TCF12: variants seen among roughly 807,000 people sequenced by gnomAD.
The protein encoded by TCF12 is DNA-binding protein HTF4.
Under a neutral mutation model 86.0 loss-of-function variants are expected in TCF12, and 45 were observed. That is an observed-to-expected ratio of 0.52 (90% CI 0.41 to 0.67). The LOEUF (loss-of-function observed/expected upper bound fraction) is 0.67, where lower values mean the gene tolerates loss of function less well. Among genes scored for constraint, TCF12 ranks in the 30% least tolerant of loss-of-function variants. The pLI, the probability that TCF12 is intolerant of heterozygous loss-of-function variation, is 0.00. For synonymous variants in TCF12, 330 were observed against 299.6 expected (o/e 1.10, Z -1.05); for missense variants, 881 against 859.9 (o/e 1.02, Z -0.31).
At chr15:57,108,621 A>G (rs1296933496) in intron 5 of TCF12, among the ~76,000 whole-genome samples, 1 of 151,786 alleles carries the variant, frequency 6.6e-6, no homozygotes, top group Non-Finnish European at 1.5e-5. Context: ...TTAGGCAAAC[A>G]ATTCCTTAGA....
intron 6 of TCF12, among the ~76,000 whole-genome samples, chr15:57,178,824 CT>C (rs2056137263): frequency 6.6e-6 from 1 of 152,198 alleles, no homozygotes; most frequent in Non-Finnish European, 1.5e-5. Flanking sequence ...GGAAGTTGGA[CT>C]TTTTATGGAA....
chr15:57,023,940 A>T (rs1339715167), intron 3 of TCF12, among the ~76,000 whole-genome samples: 1 of 152,148 alleles, frequency 6.6e-6, no homozygotes, highest in Non-Finnish European at 1.5e-5. Flanking sequence ...TGCATAGTTC[A>T]CAACAGGGTT....
chr15:57,111,697 T>C (rs77983609), intron 5 of TCF12, among the ~76,000 whole-genome samples: 1 of 149,230 alleles, frequency 6.7e-6, no homozygotes, highest in Non-Finnish European at 1.5e-5. Context: ...GCTCAAGTGA[T>C]CCTTCGGGCT....
intron 5 of TCF12, among the ~76,000 whole-genome samples, chr15:57,166,197 G>C (rs1455025575): frequency 6.6e-6 from 1 of 152,168 alleles, no homozygotes; most frequent in Non-Finnish European, 1.5e-5. Flanking sequence ...GATTACAGAC[G>C]TGAGTCACTA....
At chr15:57,132,266 T>G (rs1218696250) in intron 5 of TCF12, among the ~76,000 whole-genome samples, 1 of 152,224 alleles carries the variant, frequency 6.6e-6, no homozygotes, top group Non-Finnish European at 1.5e-5. Flanking sequence ...ATGTGTACAT[T>G]TTTTTCTTTT....
intron 3 of TCF12, among the ~76,000 whole-genome samples, chr15:56,971,375 C>G (rs2061524887): frequency 6.6e-6 from 1 of 151,690 alleles, no homozygotes; most frequent in African/African-American, 2.4e-5. Context: ...TGCAGTGAGC[C>G]GAGATCACGC....
intron 6 of TCF12, among the ~76,000 whole-genome samples, chr15:57,191,189 T>C (rs1260514770): frequency 1.3e-5 from 2 of 152,172 alleles, no homozygotes; most frequent in African/African-American, 4.8e-5. Context: ...ATGGGCCAGC[T>C]GCAGTGGCTC....
At chr15:57,053,739 G>GC (rs1253326399) in intron 3 of TCF12, among the ~76,000 whole-genome samples, 3 of 152,058 alleles carry the variant, frequency 2.0e-5, no homozygotes. Flanking sequence ...GAAGTGATCA[G>GC]CCCCCAGTTG....
chr15:57,031,770 T>C (rs550313645), intron 3 of TCF12, among the ~76,000 whole-genome samples: 9 of 152,324 alleles, frequency 5.9e-5, no homozygotes, highest in African/African-American at 2.2e-4. Context: ...TGGCTTGAGC[T>C]GTGAGAAAGG....
chr15:57,170,269 T>TA (rs1260227258), intron 6 of TCF12, among the ~76,000 whole-genome samples: 2 of 150,588 alleles, frequency 1.3e-5, no homozygotes, highest in African/African-American at 5.0e-5. Context: ...GACAGGGAAT[T>TA]AAAAATTTTT....
intron 3 of TCF12, among the ~76,000 whole-genome samples, chr15:56,963,241 G>A (rs1433140914): frequency 1.3e-5 from 2 of 151,928 alleles, no homozygotes; most frequent in Admixed American, 1.3e-4. Flanking sequence ...GGAATGTGGG[G>A]CAATATAACT....
chr15:57,080,130 C>T (rs1201067685), intron 4 of TCF12, among the ~76,000 whole-genome samples: 2 of 152,142 alleles, frequency 1.3e-5, no homozygotes, highest in Non-Finnish European at 1.5e-5. Flanking sequence ...AAATAAATGT[C>T]TCTACTGACA....
chr15:57,229,828 A>C (rs1178710519), intron 8 of TCF12, among the ~76,000 whole-genome samples: 1 of 151,948 alleles, frequency 6.6e-6, no homozygotes, highest in Non-Finnish European at 1.5e-5. Context: ...ATTTTACAAA[A>C]GAGGGAATTG....
chr15:57,162,292 G>T (rs1439464438), intron 5 of TCF12, among the ~76,000 whole-genome samples: 4 of 151,630 alleles, frequency 2.6e-5, no homozygotes, highest in Non-Finnish European at 5.9e-5. Flanking sequence ...GATTTTTGTT[G>T]TCAGATGCCT....
At chr15:57,226,945 G>A (rs1185642374) in intron 8 of TCF12, among the ~76,000 whole-genome samples, 3 of 152,020 alleles carry the variant, frequency 2.0e-5, no homozygotes, top group Admixed American at 6.6e-5. Flanking sequence ...GCATAGATAC[G>A]GAACATTTCC....
intron 5 of TCF12, among the ~76,000 whole-genome samples, chr15:57,108,417 T>G (rs1414086990): frequency 6.6e-6 from 1 of 152,132 alleles, no homozygotes; most frequent in Non-Finnish European, 1.5e-5. Context: ...GAAGTGGGGT[T>G]TGAGGGTTAG....
At chr15:57,193,954 T>C (rs1287528588) in intron 7 of TCF12, among the ~76,000 whole-genome samples, 2 of 152,210 alleles carry the variant, frequency 1.3e-5, no homozygotes, top group Admixed American at 6.5e-5. Context: ...ATCTCCAGTC[T>C]TGTTTCCTAC....
intron 5 of TCF12, among the ~76,000 whole-genome samples, chr15:57,095,315 T>A (rs561930805): frequency 6.6e-6 from 1 of 152,266 alleles, no homozygotes; most frequent in South Asian, 2.1e-4. Flanking sequence ...GGTCCATTTC[T>A]CCACCCTTGA....
chr15:57,224,066 A>T (rs2058752319), intron 8 of TCF12, among the ~76,000 whole-genome samples: 1 of 152,014 alleles, frequency 6.6e-6, no homozygotes, highest in South Asian at 2.1e-4. Context: ...TCTTATCTTG[A>T]TTCAAGTGAG....
Sources: allele counts gnomAD v4.1 joint callset (sites outside exome capture counted in the v4.1 genomes callset), GRCh38; gene constraint gnomAD v4.1.1; transcripts MANE v1.5; gene names NCBI Gene and HGNC (gene_info 2026-07-23, HGNC 2026-07-21).